Variants in BMP6 observed in about 807,000 individuals in gnomAD.
BMP6 encodes VG-1-R.
A neutral mutation model predicts 54.1 loss-of-function variants in BMP6; 17 were observed. The ratio of observed to expected loss-of-function variants is 0.31; its 90% confidence interval spans 0.22 to 0.47. The LOEUF is 0.47. BMP6 is among the 20% of genes least tolerant of loss of function. The pLI is 1.00. For missense variants in BMP6, 720 were observed against 690.4 expected (o/e 1.04, Z -0.48); for synonymous variants, 328 against 291.2 (o/e 1.13, Z -1.28).
intron 1 of BMP6, among the ~76,000 whole-genome samples, chr6:7,829,908 G>A (rs267180): frequency 0.3 from 45,803 of 152,030 alleles, 7,320 homozygotes; most frequent in East Asian, 0.56. Context: ...TATACAGTAA[G>A]ATACTCTTGT....
chr6:7,809,116 C>A (rs866377964), intron 1 of BMP6, among the ~76,000 whole-genome samples: 1 of 144,512 alleles, frequency 6.9e-6, no homozygotes, highest in Non-Finnish European at 1.5e-5. Context: ...CCACCCCCCC[C>A]CAAAAAAAAA....
chr6:7,737,978 T>TC (rs943653713), intron 1 of BMP6, among the ~76,000 whole-genome samples: 1 of 151,856 alleles, frequency 6.6e-6, no homozygotes, highest in African/African-American at 2.4e-5. Flanking sequence ...CTTTTTTTTT[T>TC]CTTCTTTTTT....
At chr6:7,797,845 T>C (rs1261114688) in intron 1 of BMP6, among the ~76,000 whole-genome samples, 1 of 152,254 alleles carries the variant, frequency 6.6e-6, no homozygotes, top group African/African-American at 2.4e-5. Context: ...TTTTGTTTTA[T>C]GTGTGTTTTT....
intron 1 of BMP6, among the ~76,000 whole-genome samples, chr6:7,736,863 T>G (rs1411913059): frequency 2.0e-5 from 3 of 152,118 alleles, no homozygotes; most frequent in Non-Finnish European, 4.4e-5. Flanking sequence ...TCCCACCCTA[T>G]TCTGCTCCCT....
At chr6:7,740,410 A>G (rs928007818) in intron 1 of BMP6, among the ~76,000 whole-genome samples, 4 of 152,154 alleles carry the variant, frequency 2.6e-5, no homozygotes, top group Admixed American at 6.5e-5. Flanking sequence ...TTTTGGGTCC[A>G]CGAAAATTCA....
At chr6:7,779,906 G>A (rs1040422374) in intron 1 of BMP6, among the ~76,000 whole-genome samples, 1 of 152,106 alleles carries the variant, frequency 6.6e-6, no homozygotes, top group Non-Finnish European at 1.5e-5. Context: ...GTGTCTTTTT[G>A]TGGTGTCTGG....
At chr6:7,813,109 ATATATATATAT>A (rs1312748469) in intron 1 of BMP6, among the ~76,000 whole-genome samples, 24 of 15,752 alleles carry the variant, frequency 1.5e-3, no homozygotes, top group South Asian at 4.7e-3. Flanking sequence ...AAAAAAAAAA[ATATATATATAT>A]ATATATATAT....
At chr6:7,849,072 T>C (rs916441874) in intron 2 of BMP6, among the ~76,000 whole-genome samples, 11 of 152,222 alleles carry the variant, frequency 7.2e-5, no homozygotes, top group African/African-American at 2.4e-4. Context: ...ACTTCAATTA[T>C]GTGGGTACAG....
In BMP6 at chr6:7,737,422, C is replaced by T. The variant is rs115464197; in HGVS notation, c.664+9803C>T. Among the ~76,000 whole-genome samples the T allele has an allele frequency of 4.6e-3, 698 of 152,200 alleles. 5 individuals carry two copies. Among genetic ancestry groups the T allele is most frequent in the African/African-American group, 0.016 (675 of 41,514 alleles). On this transcript the variant is annotated intron_variant, in intron 1 of 6. Transcript: ENST00000283147. ...AGATATCTGGAGAGTTGCCTTTCCCCCCATGGAGAAAGGCCATGCATGGAG... is the reference window on the plus strand; with the variant it reads ...AGATATCTGGAGAGTTGCCTTTCCCTCCATGGAGAAAGGCCATGCATGGAG...
At chr6:7,802,365 A>T (rs760580764) in intron 1 of BMP6, among the ~76,000 whole-genome samples, 1 of 152,222 alleles carries the variant, frequency 6.6e-6, no homozygotes, top group Non-Finnish European at 1.5e-5. Context: ...TGAAACAGGT[A>T]TGATCCCTCA....
chr6:7,785,527 A>G (rs1758007731), intron 1 of BMP6, among the ~76,000 whole-genome samples: 1 of 152,224 alleles, frequency 6.6e-6, no homozygotes. Flanking sequence ...CTGACATAGT[A>G]GGAGAAGGAG....
rs1761716138 is a variant in BMP6, at chr6:7,726,111, T to C, written c.-845T>C. Among the ~76,000 whole-genome samples, 4 of 152,190 alleles carry C rather than the reference T, an allele frequency of 2.6e-5. No homozygotes were observed. Among genetic ancestry groups the C allele is most frequent in the Admixed American group, 2.6e-4 (4 of 15,286 alleles). ...CCGGGCGCGCAGCAGAAAGCCCACG[T>C]TGGCCGCTGCGGGGAGCGCGGCGTG... On this transcript the variant is annotated 5_prime_UTR_variant, in exon 1 of 7. Transcript: ENST00000283147.
intron 1 of BMP6, among the ~76,000 whole-genome samples, chr6:7,841,146 C>T (rs1161592987): frequency 6.6e-6 from 1 of 152,100 alleles, no homozygotes; most frequent in Non-Finnish European, 1.5e-5. Context: ...TTCAATTTAC[C>T]TGATACTGAA....
chr6:7,818,670 C>T (rs1178693174), intron 1 of BMP6, among the ~76,000 whole-genome samples: 1 of 152,230 alleles, frequency 6.6e-6, no homozygotes, highest in African/African-American at 2.4e-5. Context: ...TTGGCTCAAA[C>T]CAAGGGGCCT....
At chr6:7,876,894 CTA>C (rs2113295785) in intron 4 of BMP6, among the ~76,000 whole-genome samples, 1 of 150,178 alleles carries the variant, frequency 6.7e-6, no homozygotes, top group Admixed American at 6.6e-5. Flanking sequence ...TTTTTTTCCT[CTA>C]GTTTTTGTTT....
chr6:7,739,419 A>G (rs777630445), intron 1 of BMP6, among the ~76,000 whole-genome samples: 1 of 152,172 alleles, frequency 6.6e-6, no homozygotes, highest in Non-Finnish European at 1.5e-5. Context: ...ACAAAAATAC[A>G]AGTACTGTAT....
intron 1 of BMP6, among the ~76,000 whole-genome samples, chr6:7,769,531 A>G (rs375862102): frequency 1.3e-5 from 2 of 152,276 alleles, no homozygotes; most frequent in East Asian, 1.9e-4. Flanking sequence ...AGACCTCTGC[A>G]GTGTTTTTGT....
At position 7,783,408 on chromosome 6, in the gene BMP6, C is replaced by T. The variant is rs149341032; in HGVS notation, c.664+55789C>T. Among the ~76,000 whole-genome samples the T allele has an allele frequency of 5.3e-5, 8 of 152,338 alleles. No individual in the cohort carries two copies. The East Asian group carries it at 1.5e-3, about 29-fold the overall frequency. ...TTTTATTGGGTCGCTTCAAAGGTTC[C>T]ATTTTTCTGGGTCTGAAAAGTCTTA... On this transcript the variant is annotated intron_variant, in intron 1 of 6. Coordinates refer to ENST00000283147, the MANE Select transcript of BMP6 (RefSeq NM_001718.6).
Position 7,818,225 on chromosome 6 carries a change from G to A in BMP6, c.665-26915G>A, listed in dbSNP as rs566375284. Among the ~76,000 whole-genome samples, 21 of 152,142 alleles carry A rather than the reference G, an allele frequency of 1.4e-4. 1 individual carries two copies. The highest frequency in any genetic ancestry group is 3.4e-3 in the Middle Eastern group (1 of 294). On this transcript the variant is annotated intron_variant, in intron 1 of 6. Transcript: ENST00000283147. Reference sequence around the variant, plus strand: ...TACTGCCCTACAAGTATGAAAAAGCGTTTCTAAACATGTCTTTTTTTAATG... The same window carrying A: ...TACTGCCCTACAAGTATGAAAAAGCATTTCTAAACATGTCTTTTTTTAATG...
Sources: gnomAD v4.1 joint callset for allele counts (sites outside exome capture counted in the v4.1 genomes callset) on GRCh38, gnomAD v4.1.1 for gene constraint, MANE v1.5 for transcripts, NCBI Gene and HGNC (gene_info 2026-07-23, HGNC 2026-07-21) for gene names.